TCF12: variants seen among roughly 807,000 people sequenced by gnomAD.
The protein encoded by TCF12 is DNA-binding protein HTF4.
In TCF12, 45 loss-of-function variants were observed where a neutral mutation model predicts 86.0. The ratio of observed to expected loss-of-function variants is 0.52; its 90% CI spans 0.41 to 0.67. The LOEUF is 0.67. Ranked by LOEUF, TCF12 falls within the 30% of genes least tolerant of loss-of-function variation. The probability of loss-of-function intolerance (pLI) is 0.00; values close to 1 mark genes in which losing one functional copy is unlikely to be tolerated. For missense variants in TCF12, 881 were observed against 859.9 expected (o/e 1.02, Z -0.31); for synonymous variants, 330 against 299.6 (o/e 1.10, Z -1.05).
At chr15:57,049,684 A>G (rs1338759090) in intron 3 of TCF12, among the ~76,000 whole-genome samples, 1 of 152,146 alleles carries the variant, frequency 6.6e-6, no homozygotes, top group Non-Finnish European at 1.5e-5. Flanking sequence ...GTTTTGTGTA[A>G]TTCTGTTTGT....
intron 3 of TCF12, among the ~76,000 whole-genome samples, chr15:56,950,384 C>G (rs2061211121): frequency 6.6e-6 from 1 of 152,070 alleles, no homozygotes; most frequent in African/African-American, 2.4e-5. Context: ...CGCCACCATG[C>G]CCAGTTAATT....
chr15:56,978,080 A>G (rs1275496717), intron 3 of TCF12, among the ~76,000 whole-genome samples: 1 of 152,242 alleles, frequency 6.6e-6, no homozygotes, highest in African/African-American at 2.4e-5. Flanking sequence ...TCATAAATGT[A>G]TATTAAAAAG....
At chr15:56,918,549 G>T, upstream of TCF12, 1 of 272,304 alleles carries the variant, frequency 3.7e-6, no homozygotes, top group South Asian at 2.9e-5. Context: ...GCTCCTCCCC[G>T]CCCCCTCTGC....
At position 57,199,771 on chromosome 15, in the gene TCF12, A is replaced by G. The variant is rs147200970; in HGVS notation, c.579+1946A>G. Among the ~76,000 whole-genome samples the G allele has an allele frequency of 1.3e-3, 194 of 152,330 alleles. 3 individuals carry two copies. The highest frequency in any genetic ancestry group is 3.3e-3 in the Admixed American group (50 of 15,296). On this transcript the variant is annotated intron_variant, in intron 8 of 20. Coordinates refer to ENST00000333725, the MANE Select transcript of TCF12 (RefSeq NM_207037.2). The stretch of plus-strand genomic sequence containing the variant: ...ACTTATATATTGTATTTTACTAGCT[A>G]TATTAGTATATATTAAATGTTATTA...
At chr15:57,148,701 C>CAAAAA (rs61526953) in intron 5 of TCF12, among the ~76,000 whole-genome samples, 58 of 124,380 alleles carry the variant, frequency 4.7e-4, no homozygotes, top group African/African-American at 1.5e-3. Flanking sequence ...GGTGACGTGG[C>CAAAAA]AAAAAAAAAA....
chr15:57,021,370 G>C (rs1454397459), intron 3 of TCF12, among the ~76,000 whole-genome samples: 1 of 152,170 alleles, frequency 6.6e-6, no homozygotes, highest in African/African-American at 2.4e-5. Flanking sequence ...GAAAACATTG[G>C]CATCGGGCGC....
intron 3 of TCF12, among the ~76,000 whole-genome samples, chr15:56,985,854 G>A (rs2063154314): frequency 6.6e-6 from 1 of 152,090 alleles, no homozygotes; most frequent in Non-Finnish European, 1.5e-5. Flanking sequence ...AATTTTCTTA[G>A]ATGATAGAAG....
At position 56,943,016 on chromosome 15, in the gene TCF12, A is replaced by G. The variant is rs538687717; in HGVS notation, c.148+21918A>G. On this transcript the variant is annotated intron_variant, in intron 3 of 20. Coordinates refer to ENST00000333725, the MANE Select transcript of TCF12 (RefSeq NM_207037.2). ...GCCTAAGCTAAAAAATTTAAACAGT[A>G]TGGAAGGATATTTGGTGAGAAACAC... is the stretch of plus-strand genomic sequence containing the variant. 1.1e-4 allele frequency among the ~76,000 whole-genome samples: 17 copies of G among 152,356 alleles called. No homozygotes were observed. The East Asian group carries it at 2.1e-3, about 19-fold the overall frequency.
chr15:56,920,259 G>T (rs777000042), intron 2 of TCF12, among the ~76,000 whole-genome samples: 3 of 152,082 alleles, frequency 2.0e-5, no homozygotes, highest in Non-Finnish European at 2.9e-5. Flanking sequence ...GGAGAACAAT[G>T]TAATTATGAC....
chr15:57,032,297 G>A (rs1363942334), intron 3 of TCF12, among the ~76,000 whole-genome samples: 2 of 152,210 alleles, frequency 1.3e-5, no homozygotes, highest in Non-Finnish European at 2.9e-5. Context: ...TTTGAAAACT[G>A]AACTGACATT....
Position 57,099,494 on chromosome 15 carries a change from T to C in TCF12, c.325+7603T>C, listed in dbSNP as rs200080579. 1.5e-3 allele frequency among the ~76,000 whole-genome samples: 223 copies of C among 152,232 alleles called. 4 individuals are homozygous for C. Among genetic ancestry groups the C allele is most frequent in the East Asian group, 5.0e-3 (26 of 5,192 alleles). ...AAAAATTAAAATTAAAATAAGAATA[T>C]AATATTAAAAAGTGAACTATATATT... On this transcript the variant is annotated intron_variant, in intron 5 of 20. Coordinates refer to ENST00000333725, the MANE Select transcript of TCF12 (RefSeq NM_207037.2).
intron 18 of TCF12, among the ~76,000 whole-genome samples, chr15:57,265,940 A>G (rs746249889): frequency 6.6e-6 from 1 of 152,320 alleles, no homozygotes; most frequent in Non-Finnish European, 1.5e-5. Context: ...ACTGTCATGT[A>G]TGTAGTCCCT....
chr15:57,139,843 T>G (rs2052828077), intron 5 of TCF12, among the ~76,000 whole-genome samples: 1 of 152,220 alleles, frequency 6.6e-6, no homozygotes, highest in African/African-American at 2.4e-5. Context: ...ATAGAAGATC[T>G]GGAAATTACA....
chr15:57,037,389 C>T (rs565297115), intron 3 of TCF12, among the ~76,000 whole-genome samples: 1 of 151,974 alleles, frequency 6.6e-6, no homozygotes, highest in South Asian at 2.1e-4. Flanking sequence ...TACAGTGAGC[C>T]GAGATCGTGC....
intron 6 of TCF12, among the ~76,000 whole-genome samples, chr15:57,172,668 G>T (rs536018138): frequency 6.6e-6 from 1 of 152,102 alleles, no homozygotes; most frequent in Non-Finnish European, 1.5e-5. Flanking sequence ...AGAAAAAATA[G>T]CTATTGGGTG....
intron 3 of TCF12, among the ~76,000 whole-genome samples, chr15:57,044,693 A>G (rs572668544): frequency 1.3e-5 from 2 of 151,662 alleles, no homozygotes; most frequent in South Asian, 4.2e-4. Flanking sequence ...GACTTTAGTC[A>G]TGTGATTTTT....
At chr15:56,951,660 G>GT (rs2061282491) in intron 3 of TCF12, among the ~76,000 whole-genome samples, 1 of 151,918 alleles carries the variant, frequency 6.6e-6, no homozygotes, top group Non-Finnish European at 1.5e-5. Flanking sequence ...CTTGTAGAAC[G>GT]TTTTTTTGAG....
intron 3 of TCF12, among the ~76,000 whole-genome samples, chr15:57,022,512 T>C (rs1385262649): frequency 6.6e-6 from 1 of 152,262 alleles, no homozygotes; most frequent in Non-Finnish European, 1.5e-5. Context: ...TTGTGAATAG[T>C]GCTGCAGTAA....
At chr15:57,182,755 C>T (rs1432071019) in intron 6 of TCF12, among the ~76,000 whole-genome samples, 2 of 152,104 alleles carry the variant, frequency 1.3e-5, no homozygotes, top group Non-Finnish European at 2.9e-5. Context: ...AAACTGGTAG[C>T]TAGTAAACTT....
Sources: allele counts gnomAD v4.1 joint callset (sites outside exome capture counted in the v4.1 genomes callset), GRCh38; gene constraint gnomAD v4.1.1; transcripts MANE v1.5; gene names NCBI Gene and HGNC (gene_info 2026-07-23, HGNC 2026-07-21).